RBFOX1: variants seen among roughly 807,000 people sequenced by gnomAD.
RBFOX1 encodes RNA binding fox-1 homolog 1.
A neutral mutation model predicts 57.7 loss-of-function variants in RBFOX1; 8 were observed. That is an observed-to-expected ratio of 0.14 (90% CI 0.08 to 0.25). RBFOX1 has a LOEUF of 0.25. Among genes scored for constraint, RBFOX1 ranks in the 10% least tolerant of loss-of-function variants. RBFOX1 has a pLI of 1.00. For missense variants in RBFOX1, 611 were observed against 548.5 expected, an observed-to-expected ratio of 1.11 and a Z score of -1.14; for synonymous variants, 326 against 222.4, an observed-to-expected ratio of 1.47 and a Z score of -4.15.
chr16:6,271,359 G>T (rs992272594), intron 1 of RBFOX1, among the ~76,000 whole-genome samples: 1 of 152,316 alleles, frequency 6.6e-6, no homozygotes, highest in Non-Finnish European at 1.5e-5. Flanking sequence ...AGGAGGTGGA[G>T]GTTGCAGTGA....
chr16:6,700,444 G>A (rs1323412304), intron 3 of RBFOX1, among the ~76,000 whole-genome samples: 1 of 151,918 alleles, frequency 6.6e-6, no homozygotes, highest in Non-Finnish European at 1.5e-5. Context: ...GATCACCTGA[G>A]GTCAGGAGTT....
intron 3 of RBFOX1, among the ~76,000 whole-genome samples, chr16:6,805,764 G>T (rs2086619372): frequency 6.6e-6 from 1 of 152,164 alleles, no homozygotes; most frequent in Non-Finnish European, 1.5e-5. Context: ...CCACTGTAAA[G>T]TCTGAAGTGT....
intron 3 of RBFOX1, chr16:6,775,864 A>G (rs1430953878): frequency 6.6e-6 from 1 of 152,146 alleles, no homozygotes; most frequent in African/African-American, 2.4e-5. Flanking sequence ...GCCATTTGCA[A>G]AGCTTCCACG....
chr16:5,301,110 T>C (rs11865561), intron 1 of RBFOX1, among the ~76,000 whole-genome samples: 121,302 of 152,108 alleles, frequency 0.8, 48,518 homozygotes, highest in East Asian at 0.93. Flanking sequence ...ATGGAGAAAA[T>C]GATGGGATGT....
intron 3 of RBFOX1, among the ~76,000 whole-genome samples, chr16:6,673,562 C>G (rs2098781384): frequency 6.6e-6 from 1 of 152,088 alleles, no homozygotes; most frequent in African/African-American, 2.4e-5. Flanking sequence ...CTACATTGCG[C>G]CACTGCACTC....
intron 3 of RBFOX1, among the ~76,000 whole-genome samples, chr16:5,722,867 T>C (rs894855518): frequency 3.3e-5 from 5 of 152,202 alleles, no homozygotes; most frequent in Non-Finnish European, 7.3e-5. Context: ...ACTTAACTTT[T>C]TCTGTTGCCA....
chr16:7,269,692 T>C (rs2095269713), intron 4 of RBFOX1, among the ~76,000 whole-genome samples: 1 of 152,226 alleles, frequency 6.6e-6, no homozygotes. Context: ...CCCTTACTAT[T>C]ATTAAGAATA....
At chr16:6,894,062 G>T (rs116985570) in intron 3 of RBFOX1, among the ~76,000 whole-genome samples, 1 of 152,062 alleles carries the variant, frequency 6.6e-6, no homozygotes, top group Non-Finnish European at 1.5e-5. Context: ...CATAATACTG[G>T]ATCAATAGAT....
intron 1 of RBFOX1, among the ~76,000 whole-genome samples, chr16:6,175,753 G>C (rs938680682): frequency 5.3e-5 from 8 of 152,152 alleles, no homozygotes; most frequent in African/African-American, 1.9e-4. Flanking sequence ...GGTTGTACTG[G>C]TCTGTGGACT....
At chr16:6,658,327 G>A (rs758810254) in intron 3 of RBFOX1, among the ~76,000 whole-genome samples, 8 of 150,772 alleles carry the variant, frequency 5.3e-5, no homozygotes, top group Non-Finnish European at 7.4e-5. Context: ...TGCAACCTCC[G>A]CCTCCCGGGT....
intron 3 of RBFOX1, among the ~76,000 whole-genome samples, chr16:5,619,878 C>T (rs189275742): frequency 3.3e-5 from 5 of 152,068 alleles, no homozygotes; most frequent in Admixed American, 3.3e-4. Context: ...CTCCTGGTGG[C>T]CTAAGACTTT....
At chr16:6,665,553 A>G (rs1490462046) in intron 3 of RBFOX1, among the ~76,000 whole-genome samples, 1 of 151,184 alleles carries the variant, frequency 6.6e-6, no homozygotes, top group Non-Finnish European at 1.5e-5. Flanking sequence ...TAAACCTGGG[A>G]GGCGGTGATT....
chr16:6,518,053 A>G (rs1052187097), intron 2 of RBFOX1, among the ~76,000 whole-genome samples: 1 of 152,176 alleles, frequency 6.6e-6, no homozygotes, highest in Admixed American at 6.5e-5. Flanking sequence ...TTGTTGAACT[A>G]ATTCAAGTTG....
chr16:7,400,395 A>G (rs186302879), intron 4 of RBFOX1, among the ~76,000 whole-genome samples: 1 of 152,336 alleles, frequency 6.6e-6, no homozygotes, highest in Non-Finnish European at 1.5e-5. Flanking sequence ...GCTAGCAGAC[A>G]TATTCAGATC....
chr16:7,409,188 G>A (rs1430313699), intron 4 of RBFOX1, among the ~76,000 whole-genome samples: 1 of 152,206 alleles, frequency 6.6e-6, no homozygotes, highest in African/African-American at 2.4e-5. Context: ...AGGCTGCTGT[G>A]ATCAGAGAGT....
intron 3 of RBFOX1, among the ~76,000 whole-genome samples, chr16:6,875,258 G>T (rs907651342): frequency 6.6e-6 from 1 of 152,158 alleles, no homozygotes; most frequent in African/African-American, 2.4e-5. Flanking sequence ...CAGTATCTCT[G>T]AAGACTCTTC....
intron 2 of RBFOX1, among the ~76,000 whole-genome samples, chr16:6,416,074 G>A (rs2093617015): frequency 6.6e-6 from 1 of 152,176 alleles, no homozygotes. Flanking sequence ...TTAGCAAGCG[G>A]TAATTCACCT....
At chr16:7,385,538 C>T (rs1459963009) in intron 4 of RBFOX1, among the ~76,000 whole-genome samples, 3 of 152,124 alleles carry the variant, frequency 2.0e-5, no homozygotes, top group East Asian at 1.9e-4. Context: ...CAGGAGTGAG[C>T]TTGCAGAAGT....
At chr16:6,716,624 A>G (rs2064877859) in intron 3 of RBFOX1, among the ~76,000 whole-genome samples, 1 of 152,204 alleles carries the variant, frequency 6.6e-6, no homozygotes. Context: ...AGACAGGACT[A>G]ACACTCCCCT....
Sources: allele counts gnomAD v4.1 joint callset (sites outside exome capture counted in the v4.1 genomes callset), GRCh38; gene constraint gnomAD v4.1.1; transcripts MANE v1.5; gene names NCBI Gene and HGNC (gene_info 2026-07-23, HGNC 2026-07-21).